Variants in DGKB observed in about 807,000 individuals in gnomAD.
DGKB encodes the protein 90 kDa diacylglycerol kinase.
A neutral mutation model predicts 114.3 loss-of-function variants in DGKB; 67 were observed. The ratio of observed to expected loss-of-function variants is 0.59; its 90% confidence interval spans 0.48 to 0.72. The LOEUF (loss-of-function observed/expected upper bound fraction) is 0.72. DGKB is among the 30% of genes least tolerant of loss of function. The probability of loss-of-function intolerance (pLI) is 0.00; values close to 1 mark genes in which losing one functional copy is unlikely to be tolerated. For missense variants in DGKB, 907 were observed against 975.2 expected (o/e 0.93, Z 0.93); for synonymous variants, 398 against 323.1 (o/e 1.23, Z -2.49).
At chr7:14,282,815 T>G (rs200908031) in intron 23 of DGKB, among the ~76,000 whole-genome samples, 1 of 152,066 alleles carries the variant, frequency 6.6e-6, no homozygotes, top group Non-Finnish European at 1.5e-5. Context: ...TTCAACAACC[T>G]TTCATGCTAA....
intron 20 of DGKB, among the ~76,000 whole-genome samples, chr7:14,569,479 AG>A (rs1415358202): frequency 2.0e-5 from 3 of 152,144 alleles, no homozygotes; most frequent in Non-Finnish European, 4.4e-5. Flanking sequence ...TTCTAACAAA[AG>A]TTTTTTCTTT....
chr7:14,277,126 A>T (rs1444506205), intron 23 of DGKB, among the ~76,000 whole-genome samples: 1 of 151,942 alleles, frequency 6.6e-6, no homozygotes, highest in Non-Finnish European at 1.5e-5. Context: ...ACAACTCGTT[A>T]TTCCTTTCCT....
At chr7:14,417,917 C>G (rs988463123) in intron 21 of DGKB, among the ~76,000 whole-genome samples, 1 of 151,318 alleles carries the variant, frequency 6.6e-6, no homozygotes, top group African/African-American at 2.4e-5. Context: ...TGGAAACCTT[C>G]TAGAATTCAT....
intron 21 of DGKB, among the ~76,000 whole-genome samples, chr7:14,418,234 AT>A (rs1826023706): frequency 7.5e-6 from 1 of 132,494 alleles, no homozygotes; most frequent in South Asian, 2.4e-4. Flanking sequence ...ATGTACATAT[AT>A]TTTATATATG....
chr7:14,756,821 C>T (rs920926257), intron 3 of DGKB, among the ~76,000 whole-genome samples: 2 of 151,626 alleles, frequency 1.3e-5, no homozygotes, highest in East Asian at 3.9e-4. Flanking sequence ...TACATCCTGA[C>T]AAAAGGGTCT....
At chr7:14,915,796 G>A (rs992519667) in intron 1 of DGKB, among the ~76,000 whole-genome samples, 1 of 152,022 alleles carries the variant, frequency 6.6e-6, no homozygotes, top group African/African-American at 2.4e-5. Flanking sequence ...GAGAAACAGG[G>A]AATTTGTTAC....
chr7:14,582,910 G>A lies in DGKB; in HGVS notation c.1519+142C>T, dbSNP rs537328113. The stretch of plus-strand genomic sequence containing the variant: ...GAATTTTTGAACTACAGAATAATAA[G>A]TTAAACCAGTGTGCAACCTTCCAGA... On this transcript the variant is annotated intron_variant, in intron 18 of 25. Transcript: ENST00000402815. 4.4e-4 allele frequency: 299 copies of A among 680,358 alleles called. 3 individuals are homozygous for A. The South Asian group carries it at 4.7e-3, about 11-fold the overall frequency. The allele number at this position is 680,358 out of a possible 1,614,324, so 42.1% of individuals were successfully genotyped here.
intron 13 of DGKB, among the ~76,000 whole-genome samples, chr7:14,634,571 C>T (rs1031934666): frequency 3.3e-5 from 5 of 150,428 alleles, no homozygotes; most frequent in African/African-American, 1.2e-4. Context: ...AACACAATAA[C>T]TTCCAGTGTA....
At chr7:14,164,406 A>G (rs541044249) in intron 25 of DGKB, among the ~76,000 whole-genome samples, 1 of 152,234 alleles carries the variant, frequency 6.6e-6, no homozygotes, top group Non-Finnish European at 1.5e-5. Flanking sequence ...TATCCAGATA[A>G]TGAAACTGGT....
chr7:14,471,848 G>A (rs542518946), intron 21 of DGKB, among the ~76,000 whole-genome samples: 1 of 152,112 alleles, frequency 6.6e-6, no homozygotes, highest in Admixed American at 6.5e-5. Flanking sequence ...TACCTATTGA[G>A]TACACAGTAT....
intron 25 of DGKB, among the ~76,000 whole-genome samples, chr7:14,169,564 G>C (rs865903573): frequency 1.2e-4 from 19 of 152,052 alleles, no homozygotes; most frequent in South Asian, 1.0e-3. Flanking sequence ...ATGAGGCATA[G>C]CAGTCTGGTC....
At chr7:14,361,996 T>C (rs112407559) in intron 21 of DGKB, among the ~76,000 whole-genome samples, 1 of 152,170 alleles carries the variant, frequency 6.6e-6, no homozygotes, top group African/African-American at 2.4e-5. Context: ...TGAATCTAGA[T>C]ACAGTATTGA....
chr7:14,448,551 G>A (rs1042552234), intron 21 of DGKB, among the ~76,000 whole-genome samples: 1 of 152,052 alleles, frequency 6.6e-6, no homozygotes, highest in Admixed American at 6.6e-5. Flanking sequence ...ATGCAACAGG[G>A]AATCCTAAAT....
intron 2 of DGKB, among the ~76,000 whole-genome samples, chr7:14,777,138 G>A (rs747975134): frequency 1.8e-4 from 28 of 152,134 alleles, no homozygotes; most frequent in Admixed American, 8.5e-4. Flanking sequence ...CTTCTATTTG[G>A]AAGACGTGTT....
At chr7:14,735,923 C>G (rs10237911) in intron 5 of DGKB, 118 bp downstream of exon 5, 132,012 of 583,776 alleles carry the variant, frequency 0.23, 17,442 homozygotes, top group East Asian at 0.45. Context: ...TTGTAAAAGT[C>G]TAAACCCTGT....
At chr7:14,305,241 G>A (rs185328576) in intron 23 of DGKB, among the ~76,000 whole-genome samples, 8 of 152,130 alleles carry the variant, frequency 5.3e-5, no homozygotes, top group Admixed American at 5.2e-4. Context: ...CCTTCTAACT[G>A]TATTTTTGTA....
intron 23 of DGKB, among the ~76,000 whole-genome samples, chr7:14,259,399 CTCTCTCTCTA>C (rs1467768700): frequency 3.4e-4 from 34 of 100,896 alleles, no homozygotes; most frequent in Non-Finnish European, 5.9e-4. Context: ...CTCTCTCTCT[CTCTCTCTCTA>C]TATATATATA....
intron 2 of DGKB, among the ~76,000 whole-genome samples, chr7:14,762,049 C>T (rs1170152968): frequency 6.6e-6 from 1 of 152,120 alleles, no homozygotes; most frequent in Non-Finnish European, 1.5e-5. Flanking sequence ...ATACAAATTA[C>T]TGCCCTTTGA....
chr7:14,209,503 A>G (rs112017928), intron 23 of DGKB: 50 of 497,930 alleles, frequency 1.0e-4, no homozygotes, highest in African/African-American at 2.3e-4. Context: ...TTTTTATCCT[A>G]TATTCAGGAG....
Sources: allele counts gnomAD v4.1 joint callset (sites outside exome capture counted in the v4.1 genomes callset), GRCh38; gene constraint gnomAD v4.1.1; transcripts MANE v1.5; gene names NCBI Gene and HGNC (gene_info 2026-07-23, HGNC 2026-07-21).